Variants in ALDH7A1 observed in about 807,000 individuals in gnomAD.
ALDH7A1 encodes the protein alpha-aminoadipic semialdehyde dehydrogenase.
In ALDH7A1, 63 loss-of-function variants were observed where a neutral mutation model predicts 79.9. The observed-to-expected ratio is 0.79, with a 90% CI of 0.64 to 0.97. The LOEUF is 0.97. Ranked by LOEUF, ALDH7A1 falls within the 50% of genes least tolerant of loss-of-function variation. The pLI is 0.00. For missense variants in ALDH7A1, 627 were observed against 665.2 expected (o/e 0.94, Z 0.63); for synonymous variants, 240 against 231.2 (o/e 1.04, Z -0.34).
intron 9 of ALDH7A1, among the ~76,000 whole-genome samples, chr5:126,565,163 G>A (rs1342164109): frequency 6.6e-6 from 1 of 152,118 alleles, no homozygotes; most frequent in African/African-American, 2.4e-5. Flanking sequence ...GGGAGGCCAA[G>A]GCGGGCGGAT....
chr5:126,593,217 C>T (rs1422288329), intron 2 of ALDH7A1, 134 bp downstream of exon 2: 1 of 1,413,394 alleles, frequency 7.1e-7, no homozygotes, highest in Admixed American at 2.1e-5. Context: ...TTATTCTCTT[C>T]ATTTGTGATT....
intron 17 of ALDH7A1, among the ~76,000 whole-genome samples, chr5:126,546,044 T>C (rs1306295950): frequency 6.6e-6 from 1 of 152,072 alleles, no homozygotes; most frequent in African/African-American, 2.4e-5. Context: ...GGTCGGGAGT[T>C]CGAGACCAGC....
chr5:126,568,520 G>A (rs757284578), intron 8 of ALDH7A1, 164 bp from the exon 9 acceptor site: 20 of 667,520 alleles, frequency 3.0e-5, no homozygotes, highest in Non-Finnish European at 5.4e-5. Context: ...AAGGAAAAAA[G>A]TTTTTCACAG....
chr5:126,595,041 C>A lies in ALDH7A1; in HGVS notation c.158G>T (p.Gly53Val). The A allele has an allele frequency of 6.2e-7, 1 of 1,609,518 alleles. No homozygotes were observed. The highest frequency in any genetic ancestry group is 8.5e-7 in the Non-Finnish European group (1 of 1,178,306). The change falls in exon 1 of 18, where the codon GGC (glycine) becomes GTC (valine). Residue 53 changes from glycine (G) to valine (V), a missense_variant. Coordinates refer to ENST00000409134, the MANE Select transcript of ALDH7A1 (RefSeq NM_001182.5). ...GCCTCCCCAGCTTCCATTATACACG[C>A]CCTCGTTTTCCTCGCGGAGCCCCAG... ...KELGLREENE[G>V]VYNGSWGGRG... is the part of the protein sequence containing the mutation.
chr5:126,574,976 C>T (rs542184225), intron 7 of ALDH7A1, among the ~76,000 whole-genome samples: 9 of 152,162 alleles, frequency 5.9e-5, no homozygotes, highest in South Asian at 4.2e-4. Flanking sequence ...CCAAAAGATG[C>T]GATACATTTT....
rs138372943 is a variant in ALDH7A1, at chr5:126,566,623, T to A, written c.871+1636A>T. 1.5e-3 allele frequency among the ~76,000 whole-genome samples: 232 copies of A among 152,252 alleles called. 2 individuals carry two copies. The highest frequency in any genetic ancestry group is 2.3e-3 in the Non-Finnish European group (159 of 68,000). On this transcript the variant is annotated intron_variant, in intron 9 of 17. Transcript: ENST00000409134. ...CCTCAAAAACCTTGGAAATCATCCA[T>A]AAAGCACAGTACAGTATACAAAGCT...
chr5:126,554,725 G>C (rs1036632247), intron 12 of ALDH7A1: 3 of 374,548 alleles, frequency 8.0e-6, no homozygotes, highest in Non-Finnish European at 1.5e-5. Context: ...TTAAAGGAAT[G>C]GCTATCAATT....
intron 9 of ALDH7A1, among the ~76,000 whole-genome samples, chr5:126,567,389 T>A: frequency 6.6e-6 from 1 of 152,326 alleles, no homozygotes; most frequent in Non-Finnish European, 1.5e-5. Context: ...ACTATTTCTT[T>A]ACAGCACCCA....
At chr5:126,568,211 C>T (rs775181883) in intron 9 of ALDH7A1, 48 bp downstream of exon 9, 22 of 1,576,770 alleles carry the variant, frequency 1.4e-5, no homozygotes, top group Non-Finnish European at 1.8e-5. Context: ...TAGATTTCAC[C>T]TCCATATTTG....
Position 126,593,362 on chromosome 5 carries a change from T to C in ALDH7A1, c.235A>G (p.Arg79Gly), listed in dbSNP as rs794727259. ...ACACACACTCTTACCTGTCGGACTC[T>C]TGCTATTGGCTCGTTGTTAGCAGGG... is the stretch of plus-strand genomic sequence containing the variant. ...YCPANNEPIA[R>G]VRQASVADYE... Residue 79 changes from arginine to glycine, a missense_variant, in exon 2 of 18, where the codon AGA becomes GGA. Arg to Gly is a moderately radical substitution (Grantham distance 125). Coordinates refer to ENST00000409134, the MANE Select transcript of ALDH7A1 (RefSeq NM_001182.5). 1.2e-6 allele frequency: 2 copies of C among 1,612,668 alleles called. No individual in the cohort carries two copies. The highest frequency in any genetic ancestry group is 3.3e-5 in the Admixed American group (2 of 59,926).
intron 1 of ALDH7A1, chr5:126,594,248 G>T (rs1046284209): frequency 2.1e-6 from 1 of 470,944 alleles, no homozygotes; most frequent in African/African-American, 2.0e-5. Context: ...GCAAGATTTC[G>T]GCACGTCCAA....
chr5:126,557,792 T>A (rs950254427), intron 11 of ALDH7A1, among the ~76,000 whole-genome samples: 3 of 151,900 alleles, frequency 2.0e-5, no homozygotes, highest in Non-Finnish European at 2.9e-5. Context: ...AACTCAACAA[T>A]AATAAAAAAG....
Position 126,555,937 on chromosome 5 carries a change from A to T in ALDH7A1, c.1087T>A (p.Trp363Arg). 1 of 1,612,640 alleles carries T rather than the reference A, an allele frequency of 6.2e-7. No individual in the cohort carries two copies. The highest frequency in any genetic ancestry group is 8.5e-7 in the Non-Finnish European group (1 of 1,178,794). ...AYAQIRVGNP[W>R]DPNVLYGPLH... ...AGCAGAAGGAGATACTCACGGTCCC[A>T]TGGGTTCCCAACTCGGATCTGTGCA... The change falls in exon 12 of 18, where the codon TGG becomes AGG. Residue 363 changes from tryptophan (W) to arginine (R), a missense_variant. By Grantham distance (101) the Trp-to-Arg change is moderately radical. Transcript: ENST00000409134.
chr5:126,594,336 A>G (rs1301292321), intron 1 of ALDH7A1: 3 of 461,758 alleles, frequency 6.5e-6, no homozygotes, highest in Non-Finnish European at 1.4e-5. Context: ...GGTGCACGTC[A>G]CAGCTGAAGA....
At chr5:126,548,665 G>A (rs1056442614) in intron 16 of ALDH7A1, among the ~76,000 whole-genome samples, 5 of 151,988 alleles carry the variant, frequency 3.3e-5, no homozygotes, top group South Asian at 4.1e-4. Flanking sequence ...GAGCTCAAGC[G>A]ATCGGCCCAC....
At chr5:126,593,604 C>T (rs1007984470) in intron 1 of ALDH7A1, 200 bp from the exon 2 acceptor site, 13 of 751,410 alleles carry the variant, frequency 1.7e-5, no homozygotes, top group Admixed American at 1.6e-4. Flanking sequence ...TAGAAACTAC[C>T]TTTCTGCAAA....
chr5:126,588,202 G>A (rs1345261804), intron 3 of ALDH7A1: 1 of 152,270 alleles, frequency 6.6e-6, no homozygotes, highest in Non-Finnish European at 1.5e-5. Flanking sequence ...GTTCATTCCA[G>A]GTGTGGTGGC....
At chr5:126,565,818 G>A (rs900828677) in intron 9 of ALDH7A1, among the ~76,000 whole-genome samples, 11 of 152,296 alleles carry the variant, frequency 7.2e-5, no homozygotes, top group Admixed American at 3.9e-4. Flanking sequence ...ATAGCTACTT[G>A]TGTCAGTACC....
intron 7 of ALDH7A1, among the ~76,000 whole-genome samples, chr5:126,574,625 G>A (rs1750903263): frequency 6.6e-6 from 1 of 151,572 alleles, no homozygotes; most frequent in African/African-American, 2.4e-5. Context: ...AACCCGGGAG[G>A]TGGAGCTTGC....
Sources: gnomAD v4.1 joint callset for allele counts (sites outside exome capture counted in the v4.1 genomes callset) on GRCh38, gnomAD v4.1.1 for gene constraint, MANE v1.5 for transcripts, NCBI Gene and HGNC (gene_info 2026-07-23, HGNC 2026-07-21) for gene names.